The following RNF11 variants were observed in gnomAD, a reference collection of about 807,000 sequenced individuals.
The protein encoded by RNF11 is ring finger protein 11.
Under a neutral mutation model 15.8 loss-of-function variants are expected in RNF11, and 4 were observed. The ratio of observed to expected loss-of-function variants is 0.25; its 90% confidence interval spans 0.12 to 0.58. The LOEUF is 0.58. RNF11 is among the 20% of genes least tolerant of loss of function. The pLI, the probability that RNF11 is intolerant of heterozygous loss-of-function variation, is 0.91. For missense variants in RNF11, 139 were observed against 194.4 expected (o/e 0.71, Z 1.70); for synonymous variants, 68 against 72.3 (o/e 0.94, Z 0.30).
intron 1 of RNF11, among the ~76,000 whole-genome samples, chr1:51,254,053 AT>A (rs1646893236): frequency 6.6e-6 from 1 of 152,204 alleles, no homozygotes; most frequent in Non-Finnish European, 1.5e-5. Flanking sequence ...ATCCTAAATA[AT>A]TTATCGAAAC....
At chr1:51,255,269 T>A (rs1330891777) in intron 1 of RNF11, among the ~76,000 whole-genome samples, 2 of 152,208 alleles carry the variant, frequency 1.3e-5, no homozygotes, top group Non-Finnish European at 2.9e-5. Context: ...ATTTTTTATT[T>A]TTCTTTTTAG....
intron 1 of RNF11, chr1:51,251,609 T>G (rs1037160010): frequency 1.9e-6 from 1 of 517,338 alleles, no homozygotes; most frequent in Non-Finnish European, 3.4e-6. Flanking sequence ...CATTTTATCA[T>G]TTACTACCGT....
At chr1:51,259,934 G>C (rs143301991) in intron 1 of RNF11, among the ~76,000 whole-genome samples, 1 of 152,250 alleles carries the variant, frequency 6.6e-6, no homozygotes, top group Non-Finnish European at 1.5e-5. Context: ...AGCAATTCAA[G>C]GCCATCAATA....
chr1:51,250,080 A>G (rs1646869685), intron 1 of RNF11, among the ~76,000 whole-genome samples: 1 of 152,218 alleles, frequency 6.6e-6, no homozygotes, highest in Non-Finnish European at 1.5e-5. Context: ...TTGTACTGAC[A>G]ATATGAGAGT....
rs867294380 is a variant in RNF11, at chr1:51,236,498, G to T, written c.-259G>T. The T allele has an allele frequency of 1.3e-5, 1 of 78,874 alleles. No individual in the cohort carries two copies. Among genetic ancestry groups the T allele is most frequent in the South Asian group, 2.3e-4 (1 of 4,422 alleles). The allele number at this position is 78,874 out of a possible 1,614,324, so 4.9% of individuals were successfully genotyped here. ...GGGTGGGGAAGTGCTTCGTCTCCCC[G>T]CCCCCCCCCCCCCATCGCTGCCTCG... On this transcript the variant is annotated 5_prime_UTR_variant, in exon 1 of 3. Coordinates refer to ENST00000242719, the MANE Select transcript of RNF11 (RefSeq NM_014372.5).
intron 1 of RNF11, among the ~76,000 whole-genome samples, chr1:51,259,573 C>T (rs1646921047): frequency 6.6e-6 from 1 of 152,204 alleles, no homozygotes; most frequent in African/African-American, 2.4e-5. Context: ...TCCATTATCA[C>T]TGTAAATCTC....
At chr1:51,250,549 A>AT (rs879557315) in intron 1 of RNF11, 24,856 of 427,882 alleles carry the variant, frequency 0.058, 8 homozygotes, top group South Asian at 0.074. Context: ...ATTTGTGACA[A>AT]TTTTTTTTTT....
At chr1:51,261,784 T>C (rs555063079) in intron 1 of RNF11, among the ~76,000 whole-genome samples, 4 of 151,486 alleles carry the variant, frequency 2.6e-5, no homozygotes, top group Admixed American at 2.0e-4. Context: ...TCCTCCCGGG[T>C]TCACACCATT....
chr1:51,268,339 C>G (rs1425146340), intron 1 of RNF11, among the ~76,000 whole-genome samples: 2 of 152,090 alleles, frequency 1.3e-5, no homozygotes, highest in Non-Finnish European at 2.9e-5. Flanking sequence ...TTAGATTGTT[C>G]AATCATTTTA....
chr1:51,245,127 A>G (rs1286476591), intron 1 of RNF11, among the ~76,000 whole-genome samples: 1 of 152,208 alleles, frequency 6.6e-6, no homozygotes, highest in African/African-American at 2.4e-5. Context: ...TGGCATGGTC[A>G]CGGCTCACTG....
In RNF11 at chr1:51,236,876, T is replaced by A. The variant is rs762488258; in HGVS notation, c.120T>A (p.Tyr40Ter). Residue 40 changes from tyrosine to a stop codon, truncating the protein, a stop_gained, in exon 1 of 3, where the codon TAT becomes TAA. Transcript: ENST00000242719. LOFTEE classifies it high-confidence loss of function. ...CGGATCAGGAGCCGCCGCCGCCATA[T>A]CAGGTAGGGGAGGGTGTGTGTTGGG... is the stretch of plus-strand genomic sequence containing the variant. ...TEPDQEPPPPYQEQVPVPVYH... is the reference protein window; with the variant it reads ...TEPDQEPPPP The A allele has an allele frequency of 6.2e-7, 1 of 1,611,606 alleles. No individual in the cohort carries two copies. The highest frequency in any genetic ancestry group is 8.5e-7 in the Non-Finnish European group (1 of 1,178,922).
intron 1 of RNF11, among the ~76,000 whole-genome samples, chr1:51,248,205 C>CT (rs71063020): frequency 0.027 from 3,081 of 113,260 alleles, 49 homozygotes; most frequent in African/African-American, 0.043. Context: ...TTTTCTTTTT[C>CT]TTTTTTTTTT....
chr1:51,263,451 TTGTG>T (rs111790951), intron 1 of RNF11, among the ~76,000 whole-genome samples: 4 of 151,610 alleles, frequency 2.6e-5, no homozygotes, highest in Non-Finnish European at 5.9e-5. Context: ...CTTCACAGGG[TTGTG>T]TGTGTGTGTG....
In RNF11 at chr1:51,272,312, A is replaced by G. The variant is rs1375545032; in HGVS notation, c.*990A>G. On this transcript the variant is annotated 3_prime_UTR_variant, in exon 3 of 3. Transcript: ENST00000242719. ...ACCTCCTTGCCTCTTGTCTTGAACC[A>G]TAGCAAAAGGATACTGCATCTCTCA... 6.6e-6 allele frequency: 1 copy of G among 152,618 alleles called. No homozygotes were observed. Among genetic ancestry groups the G allele is most frequent in the Non-Finnish European group, 1.5e-5 (1 of 68,024 alleles). 9.5% of individuals were successfully genotyped at this position (152,618 alleles called of 1,614,324 possible).
intron 1 of RNF11, among the ~76,000 whole-genome samples, chr1:51,260,617 A>T (rs1210942241): frequency 5.3e-5 from 8 of 152,356 alleles, no homozygotes; most frequent in African/African-American, 1.9e-4. Flanking sequence ...TTAATTATGT[A>T]GGACAATTGT....
intron 1 of RNF11, among the ~76,000 whole-genome samples, chr1:51,264,339 C>T (rs1477884372): frequency 8.2e-6 from 1 of 122,604 alleles, no homozygotes; most frequent in Non-Finnish European, 1.6e-5. Flanking sequence ...CACACACACA[C>T]ATTTATCAGG....
rs1290852691 is a variant in RNF11, at chr1:51,271,853, T to TA, written c.*532dup. The TA allele has an allele frequency of 1.3e-5, 2 of 153,054 alleles. No individual in the cohort carries two copies. The highest frequency in any genetic ancestry group is 4.8e-5 in the African/African-American group (2 of 41,456). 9.5% of individuals were successfully genotyped at this position (153,054 alleles called of 1,614,324 possible). On this transcript the variant is annotated 3_prime_UTR_variant, in exon 3 of 3. Transcript: ENST00000242719. The stretch of plus-strand genomic sequence containing the variant: ...CCATTGGAAATGGAATTCATTGCCT[T>TA]AGGTCTTTTTAAATAGTGTATTATT...
intron 1 of RNF11, chr1:51,264,918 C>G (rs1397514111): frequency 6.6e-6 from 1 of 152,198 alleles, no homozygotes; most frequent in Non-Finnish European, 1.5e-5. Flanking sequence ...ACATTCTTGA[C>G]AACATCCATC....
chr1:51,246,621 C>T (rs959022850), intron 1 of RNF11, among the ~76,000 whole-genome samples: 10 of 152,146 alleles, frequency 6.6e-5, no homozygotes, highest in Middle Eastern at 3.2e-3. Context: ...CTTTGGTAGG[C>T]TGAGGCGGGA....
Sources: allele counts gnomAD v4.1 joint callset (sites outside exome capture counted in the v4.1 genomes callset), GRCh38; gene constraint gnomAD v4.1.1; transcripts MANE v1.5; gene names NCBI Gene and HGNC (gene_info 2026-07-23, HGNC 2026-07-21).